PLB1: variants seen among roughly 807,000 people sequenced by gnomAD.
PLB1 encodes phospholipase B1, membrane-associated.
PLB1 carries 242 observed loss-of-function variants against 227.4 expected under a neutral mutation model. The observed-to-expected ratio is 1.06, with a 90% CI of 0.96 to 1.18. The LOEUF (loss-of-function observed/expected upper bound fraction) is 1.18, where lower values mean the gene tolerates loss of function less well. PLB1 is among the 50% of genes most tolerant of loss of function. The pLI, the probability that PLB1 is intolerant of heterozygous loss-of-function variation, is 0.00. For missense variants in PLB1, 1,858 were observed against 1,816.3 expected, an observed-to-expected ratio of 1.02 and a Z score of -0.42; for synonymous variants, 757 against 682.2, an observed-to-expected ratio of 1.11 and a Z score of -1.71.
chr2:28,640,681 C>T (rs1334553649), intron 56 of PLB1, among the ~76,000 whole-genome samples: 1 of 152,188 alleles, frequency 6.6e-6, no homozygotes, highest in African/African-American at 2.4e-5. Context: ...CCCGGCAAAT[C>T]CAGGGGCACA....
chr2:28,547,062 A>G (rs759541610), intron 14 of PLB1, among the ~76,000 whole-genome samples: 2 of 152,040 alleles, frequency 1.3e-5, no homozygotes, highest in East Asian at 1.9e-4. Context: ...TTAGCTGGGT[A>G]TGGTGTCACA....
intron 56 of PLB1, among the ~76,000 whole-genome samples, chr2:28,639,022 C>A (rs915962337): frequency 1.3e-5 from 2 of 148,764 alleles, no homozygotes; most frequent in African/African-American, 2.5e-5. Flanking sequence ...AAGCTGAGAT[C>A]GTGCCATTGC....
chr2:28,577,800 G>T (rs557602930), intron 21 of PLB1, among the ~76,000 whole-genome samples: 1 of 152,156 alleles, frequency 6.6e-6, no homozygotes, highest in African/African-American at 2.4e-5. Context: ...AGATCGTGCC[G>T]CTGCACTTCA....
At chr2:28,610,882 T>C (rs903919037) in intron 43 of PLB1, among the ~76,000 whole-genome samples, 3 of 140,846 alleles carry the variant, frequency 2.1e-5, no homozygotes, top group African/African-American at 5.0e-5. Flanking sequence ...TGCCATTCAG[T>C]CGGCCCCCCT....
chr2:28,603,664 A>G (rs1684237326), intron 39 of PLB1, among the ~76,000 whole-genome samples: 1 of 152,240 alleles, frequency 6.6e-6, no homozygotes, highest in Non-Finnish European at 1.5e-5. Flanking sequence ...TTCACTGCCC[A>G]AATTCATTTG....
chr2:28,640,572 C>T (rs982212492), intron 56 of PLB1, among the ~76,000 whole-genome samples: 8 of 152,194 alleles, frequency 5.3e-5, no homozygotes, highest in Non-Finnish European at 1.2e-4. Context: ...CGGTGTCTTG[C>T]AATCACAGCC....
intron 15 of PLB1, among the ~76,000 whole-genome samples, 165 bp from the exon 16 acceptor site, chr2:28,549,845 T>C (rs1272799500): frequency 6.6e-6 from 1 of 152,020 alleles, no homozygotes; most frequent in Non-Finnish European, 1.5e-5. Flanking sequence ...CATTCATGAG[T>C]CCTTCAGGGA....
rs143020142 is a variant in PLB1 at position 28,632,078 on chromosome 2, C to T, written c.3940C>T (p.Arg1314Cys). 81 of 1,614,020 alleles carry T rather than the reference C, an allele frequency of 5.0e-5. No individual in the cohort carries two copies. Among genetic ancestry groups the T allele is most frequent in the African/African-American group, 1.2e-4 (9 of 74,914 alleles). ...CTCCTACTGGCACCAATACACACAG[C>T]GTGAGGACTTTGCGGTTGTGGTGCA... ...SFSYWHQYTQ[R>C]EDFAVVVQPF... Residue 1314 changes from arginine (R) to cysteine (C), a missense_variant, in exon 55 of 58, where the codon CGT becomes TGT. Transcript: ENST00000327757.
chr2:28,597,984 T>C (rs1025590425), intron 33 of PLB1, 21 bp from the exon 34 acceptor site: 1 of 1,608,714 alleles, frequency 6.2e-7, no homozygotes, highest in Non-Finnish European at 8.5e-7. Flanking sequence ...TCTCATTCAC[T>C]GGCTTGCTCA....
At chr2:28,504,642 T>C (rs573999171) in intron 1 of PLB1, among the ~76,000 whole-genome samples, 1 of 152,180 alleles carries the variant, frequency 6.6e-6, no homozygotes, top group Non-Finnish European at 1.5e-5. Flanking sequence ...CTCAGGAGGT[T>C]GAGGCAGGAG....
At chr2:28,571,941 G>A (rs765762881) in intron 20 of PLB1, among the ~76,000 whole-genome samples, 1 of 152,108 alleles carries the variant, frequency 6.6e-6, no homozygotes. Context: ...GATATTTTGC[G>A]CTTCAAAGGA....
intron 9 of PLB1, among the ~76,000 whole-genome samples, chr2:28,535,941 C>A (rs1010388983): frequency 1.3e-5 from 2 of 152,040 alleles, no homozygotes; most frequent in Admixed American, 1.3e-4. Flanking sequence ...CAAAACAAAA[C>A]AAATGCTCTG....
chr2:28,611,113 G>A (rs145641536), intron 43 of PLB1, among the ~76,000 whole-genome samples: 1 of 152,100 alleles, frequency 6.6e-6, no homozygotes, highest in Non-Finnish European at 1.5e-5. Context: ...AAGAAAAGAA[G>A]GGGAGGGGGA....
intron 1 of PLB1, among the ~76,000 whole-genome samples, chr2:28,509,039 G>C (rs918541916): frequency 6.6e-6 from 1 of 152,132 alleles, no homozygotes; most frequent in Admixed American, 6.5e-5. Context: ...ACGACCTCAT[G>C]AAGAAGACAG....
At chr2:28,608,840 C>A (rs75952508) in intron 43 of PLB1, among the ~76,000 whole-genome samples, 7,275 of 152,004 alleles carry the variant, frequency 0.048, 562 homozygotes, top group African/African-American at 0.16. Context: ...CCTTTAATGA[C>A]CCTCCTCCTC....
intron 11 of PLB1, among the ~76,000 whole-genome samples, chr2:28,539,821 G>T (rs190188708): frequency 1.3e-5 from 2 of 152,006 alleles, no homozygotes; most frequent in South Asian, 2.1e-4. Flanking sequence ...ACAGTGAGCG[G>T]GGAGGAGGAG....
chr2:28,575,230 T>C (rs1383049002), intron 21 of PLB1, among the ~76,000 whole-genome samples: 1 of 152,246 alleles, frequency 6.6e-6, no homozygotes, highest in African/African-American at 2.4e-5. Flanking sequence ...AAGTGATATC[T>C]CATTGTTTTA....
intron 1 of PLB1, among the ~76,000 whole-genome samples, chr2:28,507,761 A>G (rs1457117611): frequency 1.3e-5 from 2 of 152,192 alleles, no homozygotes; most frequent in African/African-American, 2.4e-5. Context: ...GATATTGGAT[A>G]TCTGTGGGCA....
At chr2:28,539,252 T>C (rs1672129002) in intron 11 of PLB1, 74 bp downstream of exon 11, 3 of 1,328,112 alleles carry the variant, frequency 2.3e-6, no homozygotes, top group South Asian at 2.4e-5. Flanking sequence ...GGGCCCTTCA[T>C]GTGCCGTAAT....
Sources: allele counts gnomAD v4.1 joint callset (sites outside exome capture counted in the v4.1 genomes callset), GRCh38; gene constraint gnomAD v4.1.1; transcripts MANE v1.5; gene names NCBI Gene and HGNC (gene_info 2026-07-23, HGNC 2026-07-21).